ZBTB49: variants seen among roughly 807,000 people sequenced by gnomAD.
The protein encoded by ZBTB49 is zinc finger and BTB domain-containing protein 49.
Under a neutral mutation model 57.5 loss-of-function variants are expected in ZBTB49, and 43 were observed. The ratio of observed to expected loss-of-function variants is 0.75; its 90% CI spans 0.59 to 0.97. The LOEUF (loss-of-function observed/expected upper bound fraction) is 0.97, where lower values mean the gene tolerates loss of function less well. Ranked by LOEUF, ZBTB49 falls within the 50% of genes least tolerant of loss-of-function variation. The pLI, the probability that ZBTB49 is intolerant of heterozygous loss-of-function variation, is 0.00. For synonymous variants in ZBTB49, 369 were observed against 362.1 expected (o/e 1.02, Z -0.22); for missense variants, 938 against 947.7 (o/e 0.99, Z 0.13).
In ZBTB49 at chr4:4,321,413, A is replaced by G. The variant is rs1297363867; in HGVS notation, c.*97A>G. The G allele has an allele frequency of 2.2e-5, 28 of 1,252,390 alleles. No homozygotes were observed. 77.6% of individuals were successfully genotyped at this position (1,252,390 alleles called of 1,614,324 possible). ...CAGTTTCCCCATGACAGTGCCTTCTAACTAGCCAGAGAATAGGTAGCTTCC... is the reference window on the plus strand; with the variant it reads ...CAGTTTCCCCATGACAGTGCCTTCTGACTAGCCAGAGAATAGGTAGCTTCC... On this transcript the variant is annotated 3_prime_UTR_variant, in exon 8 of 8. Transcript: ENST00000337872.
intron 7 of ZBTB49, among the ~76,000 whole-genome samples, 192 bp from the exon 8 acceptor site, chr4:4,320,448 G>A (rs1721359489): frequency 6.6e-6 from 1 of 151,976 alleles, no homozygotes. Flanking sequence ...TTCCAGCCTG[G>A]GCATCATAGC....
intron 3 of ZBTB49, among the ~76,000 whole-genome samples, chr4:4,303,776 C>CTA (rs1720617991): frequency 1.7e-5 from 1 of 60,230 alleles, no homozygotes; most frequent in African/African-American, 5.6e-5. Context: ...GTGTGTCTCT[C>CTA]TCTCTCTCTA....
chr4:4,312,382 G>A (rs936675556), intron 4 of ZBTB49, among the ~76,000 whole-genome samples: 3 of 152,132 alleles, frequency 2.0e-5, no homozygotes, highest in African/African-American at 7.2e-5. Context: ...TTAGTACATA[G>A]AAATCCATCT....
At chr4:4,313,847 C>T (rs1354101515) in intron 5 of ZBTB49, among the ~76,000 whole-genome samples, 4 of 152,200 alleles carry the variant, frequency 2.6e-5, no homozygotes, top group African/African-American at 9.6e-5. Context: ...TCTGTACGCA[C>T]CTTGGTTACG....
chr4:4,306,997 C>T (rs746646658), intron 4 of ZBTB49, among the ~76,000 whole-genome samples: 8 of 152,242 alleles, frequency 5.3e-5, no homozygotes, highest in African/African-American at 9.6e-5. Context: ...AAATGGCAAG[C>T]GCCGTGTTTG....
chr4:4,292,979 T>C (rs1185458755), intron 1 of ZBTB49, among the ~76,000 whole-genome samples: 1 of 152,202 alleles, frequency 6.6e-6, no homozygotes, highest in Non-Finnish European at 1.5e-5. Flanking sequence ...TTTGACGCCA[T>C]TCATACCATC....
chr4:4,293,152 T>C (rs572355924), intron 1 of ZBTB49, among the ~76,000 whole-genome samples: 9 of 152,258 alleles, frequency 5.9e-5, no homozygotes, highest in East Asian at 1.9e-4. Flanking sequence ...GTGCCTATTA[T>C]GTCAAAGACA....
intron 4 of ZBTB49, among the ~76,000 whole-genome samples, chr4:4,312,381 AG>A (rs1323303866): frequency 1.3e-5 from 2 of 152,230 alleles, no homozygotes; most frequent in Non-Finnish European, 2.9e-5. Context: ...ATTAGTACAT[AG>A]AAATCCATCT....
At chr4:4,298,574 G>A (rs536443587) in intron 1 of ZBTB49, among the ~76,000 whole-genome samples, 90 of 152,184 alleles carry the variant, frequency 5.9e-4, no homozygotes, top group African/African-American at 2.0e-3. Flanking sequence ...CTACAGGCAT[G>A]TGCCACCATG....
At chr4:4,315,503 G>A (rs1209947353) in intron 5 of ZBTB49, 133 bp from the exon 6 acceptor site, 1 of 819,596 alleles carries the variant, frequency 1.2e-6, no homozygotes, top group Non-Finnish European at 1.9e-6. Flanking sequence ...CGTTTCAGAT[G>A]AAACCAGTCC....
At chr4:4,317,837 G>C (rs2980182) in intron 7 of ZBTB49, among the ~76,000 whole-genome samples, 152,235 of 152,286 alleles carry the variant, frequency 1, 76,092 homozygotes, top group Non-Finnish European at 1. Flanking sequence ...TGCGCTTTCC[G>C]AGATGCAGGC....
In ZBTB49 at chr4:4,315,673, A is replaced by G; in HGVS notation, c.1414A>G (p.Ile472Val). 3.1e-6 allele frequency: 5 copies of G among 1,614,202 alleles called. No homozygotes were observed. The highest frequency in any genetic ancestry group is 1.7e-5 in the Admixed American group (1 of 60,024). The change falls in exon 6 of 8, where the codon ATT becomes GTT. Residue 472 changes from isoleucine to valine, a missense_variant. Coordinates refer to ENST00000337872, the MANE Select transcript of ZBTB49 (RefSeq NM_145291.4). Reference protein sequence around the residue: ...ASGDVQRHIIIHSGEKPHLCD... With the variant: ...ASGDVQRHIIVHSGEKPHLCD... ...TGGCGACGTCCAGCGTCACATTATT[A>G]TTCACTCAGGAGAAAAACCACACTT...
intron 4 of ZBTB49, among the ~76,000 whole-genome samples, chr4:4,307,742 A>C (rs991097550): frequency 1.3e-5 from 2 of 152,020 alleles, no homozygotes; most frequent in African/African-American, 4.8e-5. Context: ...TGAGACTCGG[A>C]CTAATGACCA....
rs145060529 is a variant in ZBTB49, at chr4:4,320,827, C to T, written c.1809C>T (p.Ile603=). ...TGCTGGAGGAGCTCAGCCAAGCCAT[C>T]GAGACCTCCGACCTCGAGAAATCTC... ...PDVLEELSQA[I]ETSDLEKSQS... is the part of the protein sequence containing the mutation. The change falls in exon 8 of 8, where the codon ATC becomes ATT. Residue 603 remains isoleucine (I), a synonymous_variant. Coordinates refer to ENST00000337872, the MANE Select transcript of ZBTB49 (RefSeq NM_145291.4). 40 of 1,614,056 alleles carry T rather than the reference C, an allele frequency of 2.5e-5. No individual in the cohort carries two copies. Among genetic ancestry groups the T allele is most frequent in the Non-Finnish European group, 3.1e-5 (37 of 1,180,030 alleles).
intron 4 of ZBTB49, among the ~76,000 whole-genome samples, chr4:4,309,900 C>G (rs1305084132): frequency 6.6e-6 from 1 of 151,828 alleles, no homozygotes; most frequent in Non-Finnish European, 1.5e-5. Flanking sequence ...TTAAACCTTA[C>G]ATTTTTTTCT....
At chr4:4,318,872 T>C (rs1173673931) in intron 7 of ZBTB49, among the ~76,000 whole-genome samples, 1 of 148,684 alleles carries the variant, frequency 6.7e-6, no homozygotes, top group African/African-American at 2.5e-5. Flanking sequence ...GTTGCAGTGT[T>C]TTGGTTTTTG....
intron 1 of ZBTB49, among the ~76,000 whole-genome samples, chr4:4,296,022 C>A (rs950950919): frequency 6.6e-6 from 1 of 152,108 alleles, no homozygotes; most frequent in Non-Finnish European, 1.5e-5. Flanking sequence ...AAGTGATTGT[C>A]AAGGGAAAGA....
intron 7 of ZBTB49, among the ~76,000 whole-genome samples, chr4:4,318,593 G>A (rs1721280438): frequency 6.6e-6 from 1 of 152,172 alleles, no homozygotes. Flanking sequence ...GGGCAACAAA[G>A]TGAGACTCCA....
chr4:4,315,782 G>A (rs767915971), intron 6 of ZBTB49, 27 bp from the exon 7 acceptor site: 2 of 1,613,926 alleles, frequency 1.2e-6, no homozygotes, highest in Non-Finnish European at 1.7e-6. Flanking sequence ...CTGTCCTTCA[G>A]CTTAACACCT....
Sources: allele counts gnomAD v4.1 joint callset (sites outside exome capture counted in the v4.1 genomes callset), GRCh38; gene constraint gnomAD v4.1.1; transcripts MANE v1.5; gene names NCBI Gene and HGNC (gene_info 2026-07-23, HGNC 2026-07-21).